Variants in PDE3A observed in about 807,000 individuals in gnomAD.
PDE3A encodes phosphodiesterase 3A, also known as cGMP-inhibited 3',5'-cyclic phosphodiesterase 3A.
In PDE3A, 43 loss-of-function variants were observed where a neutral mutation model predicts 98.3. The ratio of observed to expected loss-of-function variants is 0.44; its 90% CI spans 0.34 to 0.56. The LOEUF is 0.56. Ranked by LOEUF, PDE3A falls within the 20% of genes least tolerant of loss-of-function variation. The probability of loss-of-function intolerance (pLI) is 0.01; values close to 1 mark genes in which losing one functional copy is unlikely to be tolerated. For synonymous variants in PDE3A, 663 were observed against 567.9 expected, an observed-to-expected ratio of 1.17 and a Z score of -2.38; for missense variants, 1,427 against 1,440.7, an observed-to-expected ratio of 0.99 and a Z score of 0.15.
chr12:20,389,590 G>A (rs1431726799), intron 1 of PDE3A, among the ~76,000 whole-genome samples: 1 of 151,902 alleles, frequency 6.6e-6, no homozygotes, highest in Non-Finnish European at 1.5e-5. Context: ...AACGTTTGAA[G>A]AGTGCCCACA....
chr12:20,563,073 A>C (rs1942567992), intron 2 of PDE3A, among the ~76,000 whole-genome samples: 1 of 152,242 alleles, frequency 6.6e-6, no homozygotes, highest in Non-Finnish European at 1.5e-5. Context: ...TACCTAGATC[A>C]GTGAGCCTTT....
intron 1 of PDE3A, among the ~76,000 whole-genome samples, chr12:20,480,800 G>A (rs746914519): frequency 1.3e-5 from 2 of 152,200 alleles, no homozygotes; most frequent in Non-Finnish European, 2.9e-5. Context: ...ACAAAGATAA[G>A]TTCTAGTGGG....
At chr12:20,496,169 T>C (rs1471403344) in intron 1 of PDE3A, among the ~76,000 whole-genome samples, 1 of 152,190 alleles carries the variant, frequency 6.6e-6, no homozygotes, top group Admixed American at 6.5e-5. Flanking sequence ...ACACTATCTG[T>C]CTCATCAGTA....
chr12:20,526,930 GTGTT>G (rs1476009489), intron 1 of PDE3A, among the ~76,000 whole-genome samples: 6 of 131,060 alleles, frequency 4.6e-5, no homozygotes, highest in South Asian at 2.6e-4. Context: ...GTGTGTGTGT[GTGTT>G]TGAGACCAAG....
chr12:20,606,129 C>A (rs1038255291), intron 2 of PDE3A, among the ~76,000 whole-genome samples: 1 of 152,126 alleles, frequency 6.6e-6, no homozygotes, highest in East Asian at 1.9e-4. Flanking sequence ...TATGTTGACC[C>A]TACCATTTCT....
At chr12:20,483,953 A>T (rs1945677138) in intron 1 of PDE3A, among the ~76,000 whole-genome samples, 1 of 152,184 alleles carries the variant, frequency 6.6e-6, no homozygotes, top group Non-Finnish European at 1.5e-5. Flanking sequence ...ATGTGTGAGC[A>T]GGCTGCCTGG....
intron 13 of PDE3A, among the ~76,000 whole-genome samples, chr12:20,649,491 T>A (rs1944865841): frequency 1.3e-5 from 2 of 152,162 alleles, no homozygotes; most frequent in Admixed American, 6.5e-5. Flanking sequence ...TTTGTTTTCA[T>A]CTCTACGGTA....
intron 1 of PDE3A, among the ~76,000 whole-genome samples, chr12:20,465,539 T>C (rs1325515867): frequency 6.6e-6 from 1 of 151,936 alleles, no homozygotes; most frequent in African/African-American, 2.4e-5. Flanking sequence ...GCCTCCCGAG[T>C]AGCGGGACTA....
At chr12:20,461,430 A>G (rs867595513) in intron 1 of PDE3A, among the ~76,000 whole-genome samples, 1 of 152,170 alleles carries the variant, frequency 6.6e-6, no homozygotes, top group Non-Finnish European at 1.5e-5. Flanking sequence ...TAAGTGTACA[A>G]TATTATGGGT....
At chr12:20,653,695 T>C (rs1944973490) in intron 14 of PDE3A, among the ~76,000 whole-genome samples, 1 of 152,190 alleles carries the variant, frequency 6.6e-6, no homozygotes, top group East Asian at 1.9e-4. Context: ...AGACACTGAC[T>C]TGTGTGATTA....
rs527732951 is a variant in PDE3A, at chr12:20,659,370, G to A, written c.3184+5165G>A. On this transcript the variant is annotated intron_variant, in intron 15 of 15. Transcript: ENST00000359062. Reference sequence around the variant, plus strand: ...AATAAAACTGTTAAAAGAATGACTAGCCCTTCCACAAAGATGTTGGCAGAT... The same window carrying A: ...AATAAAACTGTTAAAAGAATGACTAACCCTTCCACAAAGATGTTGGCAGAT... Among the ~76,000 whole-genome samples the A allele has an allele frequency of 3.9e-5, 6 of 152,220 alleles. No individual in the cohort carries two copies. In the South Asian group the frequency reaches 1.0e-3, roughly 26 times the overall value.
intron 1 of PDE3A, among the ~76,000 whole-genome samples, chr12:20,463,571 T>C (rs572629771): frequency 6.6e-6 from 1 of 152,314 alleles, no homozygotes; most frequent in South Asian, 2.1e-4. Context: ...AAAGGTATTA[T>C]TTTGCTTATA....
intron 1 of PDE3A, among the ~76,000 whole-genome samples, chr12:20,492,592 A>G: frequency 6.6e-6 from 1 of 152,120 alleles, no homozygotes; most frequent in East Asian, 1.9e-4. Flanking sequence ...GGGAGGTGTA[A>G]CTGAGACCCA....
intron 2 of PDE3A, among the ~76,000 whole-genome samples, chr12:20,607,737 A>G (rs1943747633): frequency 6.6e-6 from 1 of 151,816 alleles, no homozygotes; most frequent in Non-Finnish European, 1.5e-5. Flanking sequence ...AAAGGAAAAG[A>G]TTTGTTTGAT....
intron 1 of PDE3A, among the ~76,000 whole-genome samples, chr12:20,554,500 A>C (rs1479736290): frequency 6.6e-6 from 1 of 151,634 alleles, no homozygotes; most frequent in Non-Finnish European, 1.5e-5. Context: ...TTTGTCTTTT[A>C]AATCTATAAT....
intron 1 of PDE3A, among the ~76,000 whole-genome samples, chr12:20,546,989 A>G (rs2121238532): frequency 6.6e-6 from 1 of 152,218 alleles, no homozygotes; most frequent in East Asian, 1.9e-4. Flanking sequence ...AGCTATGATC[A>G]CAAAGATCCA....
At chr12:20,564,595 G>T (rs1341510298) in intron 2 of PDE3A, among the ~76,000 whole-genome samples, 1 of 152,024 alleles carries the variant, frequency 6.6e-6, no homozygotes, top group Non-Finnish European at 1.5e-5. Context: ...AGAGAGTTTG[G>T]CTCTGTCCTC....
intron 1 of PDE3A, chr12:20,551,618 AGCTCATGTGC>A: frequency 6.4e-7 from 1 of 1,571,480 alleles, no homozygotes; most frequent in Non-Finnish European, 8.6e-7. Context: ...CCCGACAAGC[AGCTCATGTGC>A]GATGAGTGCG....
At chr12:20,624,370 G>A (rs1159517775) in intron 5 of PDE3A, among the ~76,000 whole-genome samples, 2 of 152,154 alleles carry the variant, frequency 1.3e-5, no homozygotes, top group Admixed American at 1.3e-4. Context: ...GGCAGACCCT[G>A]GAAATATCAG....
Sources: gnomAD v4.1 joint callset for allele counts (sites outside exome capture counted in the v4.1 genomes callset) on GRCh38, gnomAD v4.1.1 for gene constraint, MANE v1.5 for transcripts, NCBI Gene and HGNC (gene_info 2026-07-23, HGNC 2026-07-21) for gene names.